VPS9D1: variants seen among roughly 807,000 people sequenced by gnomAD.
VPS9D1 encodes the protein VPS9 domain containing 1, also known as VPS9 domain-containing protein 1.
Under a neutral mutation model 75.8 loss-of-function variants are expected in VPS9D1, and 78 were observed. The ratio of observed to expected loss-of-function variants is 1.03; its 90% confidence interval spans 0.86 to 1.24. The LOEUF (loss-of-function observed/expected upper bound fraction) is 1.24, where lower values mean the gene tolerates loss of function less well. Among genes scored for constraint, VPS9D1 ranks in the 50% most tolerant of loss-of-function variants. The probability of loss-of-function intolerance (pLI) is 0.00; values close to 1 mark genes in which losing one functional copy is unlikely to be tolerated. For missense variants in VPS9D1, 1,057 were observed against 847.7 expected, an observed-to-expected ratio of 1.25 and a Z score of -3.07; for synonymous variants, 481 against 385.6, an observed-to-expected ratio of 1.25 and a Z score of -2.90.
At chr16:89,717,134 G>T (rs377697706) in intron 2 of VPS9D1, among the ~76,000 whole-genome samples, 1 of 50,192 alleles carries the variant, frequency 2.0e-5, no homozygotes, top group Non-Finnish European at 3.8e-5. Context: ...CACTGACCCC[G>T]GGCAAGCCGA....
intron 10 of VPS9D1, 62 bp downstream of exon 10, chr16:89,710,524 A>C: frequency 6.6e-7 from 1 of 1,513,046 alleles, no homozygotes; most frequent in Non-Finnish European, 8.9e-7. Flanking sequence ...AGAAGCTTGA[A>C]ACGGACCAAT....
chr16:89,710,576 C>T lies in VPS9D1; in HGVS notation c.1258+10G>A. ...CTGCGGCGGCTCTCCCAGGGAGGGCCTGGCCTCACCTACGGCATTGTGGAT... is the reference window on the plus strand; with the variant it reads ...CTGCGGCGGCTCTCCCAGGGAGGGCTTGGCCTCACCTACGGCATTGTGGAT... On this transcript the variant is annotated intron_variant, in intron 10 of 14. Coordinates refer to ENST00000389386, the MANE Select transcript of VPS9D1 (RefSeq NM_004913.3). 1 of 1,584,702 alleles carries T rather than the reference C, an allele frequency of 6.3e-7. No individual in the cohort carries two copies. The highest frequency in any genetic ancestry group is 1.1e-5 in the South Asian group (1 of 89,238).
At chr16:89,720,600 T>G in intron 1 of VPS9D1, 163 bp downstream of exon 1, 1 of 1,227,746 alleles carries the variant, frequency 8.1e-7, no homozygotes. Flanking sequence ...CACGCCCGGC[T>G]GCGCCCCGCC....
chr16:89,710,392 C>T (rs1028493245), intron 10 of VPS9D1, among the ~76,000 whole-genome samples, 194 bp downstream of exon 10: 5 of 152,156 alleles, frequency 3.3e-5, no homozygotes, highest in South Asian at 2.1e-4. Context: ...TTGAGAACAG[C>T]TTGACCAACA....
intron 1 of VPS9D1, 80 bp from the exon 2 acceptor site, chr16:89,719,182 G>C (rs997364311): frequency 7.7e-7 from 1 of 1,303,232 alleles, no homozygotes; most frequent in Admixed American, 1.7e-5. Flanking sequence ...TGCCCTTGTG[G>C]GATAAGCAAG....
In VPS9D1 at chr16:89,712,729, C is replaced by CCCCAGG; in HGVS notation, c.432-14_432-13insCCTGGG. 6.4e-7 allele frequency: 1 copy of CCCCAGG among 1,571,202 alleles called. No homozygotes were observed. The highest frequency in any genetic ancestry group is 8.6e-7 in the Non-Finnish European group (1 of 1,160,058). On this transcript the variant is annotated splice_polypyrimidine_tract_variant and intron_variant, in intron 4 of 14. Transcript: ENST00000389386. ...TGGCGTCAGCTCTCTGGAAATGTGA[C>CCCCAGG]AAGCTGCTGTCTAGACCCCAGGAAG... is the stretch of plus-strand genomic sequence containing the variant.
At chr16:89,719,186 A>G in intron 1 of VPS9D1, 84 bp from the exon 2 acceptor site, 1 of 1,304,206 alleles carries the variant, frequency 7.7e-7, no homozygotes, top group Non-Finnish European at 1.1e-6. Context: ...CTTGTGGGAT[A>G]AGCAAGGAAC....
chr16:89,712,513 G>C lies in VPS9D1; in HGVS notation c.553C>G (p.Leu185Val). The change falls in exon 6 of 15, where the codon CTA becomes GTA. Residue 185 changes from leucine (L) to valine (V), a missense_variant. By Grantham distance (32) the Leu-to-Val change is conservative. Coordinates refer to ENST00000389386, the MANE Select transcript of VPS9D1 (RefSeq NM_004913.3). ...AMQKTSLTLS[L>V]QRQMMENLVI... Reference sequence around the variant, plus strand: ...AGGTTCTCCATCATCTGCCGCTGTAGAGAGAGGGTCTGGGGGGGGAGGAGG... The same window carrying C: ...AGGTTCTCCATCATCTGCCGCTGTACAGAGAGGGTCTGGGGGGGGAGGAGG... The C allele has an allele frequency of 6.2e-7, 1 of 1,612,748 alleles. No homozygotes were observed. The highest frequency in any genetic ancestry group is 8.5e-7 in the Non-Finnish European group (1 of 1,179,938).
chr16:89,717,073 C>T (rs1190689877), intron 2 of VPS9D1, among the ~76,000 whole-genome samples: 1 of 111,766 alleles, frequency 8.9e-6, no homozygotes, highest in Non-Finnish European at 1.9e-5. Context: ...GGCAAGCCCA[C>T]TGCCCCCCCA....
At chr16:89,709,732 G>A (rs769531079) in intron 11 of VPS9D1, 45 bp downstream of exon 11, 6 of 1,612,142 alleles carry the variant, frequency 3.7e-6, no homozygotes, top group South Asian at 1.1e-5. Flanking sequence ...GGACTGGGCT[G>A]GAAGACACTA....
chr16:89,720,585 C>T, intron 1 of VPS9D1, 178 bp downstream of exon 1: 1 of 1,220,282 alleles, frequency 8.2e-7, no homozygotes, highest in South Asian at 3.3e-5. Flanking sequence ...TGTCCAAGGT[C>T]ACTGCACGCC....
chr16:89,719,314 G>A (rs2061176798), intron 1 of VPS9D1: 2 of 633,890 alleles, frequency 3.2e-6, no homozygotes, highest in South Asian at 3.0e-5. Context: ...CTCCAGACTT[G>A]GAAAAGACAT....
At chr16:89,717,047 CAACT>C (rs1320033065) in intron 2 of VPS9D1, 3 of 329,242 alleles carry the variant, frequency 9.1e-6, no homozygotes, top group Non-Finnish European at 1.6e-5. Context: ...TCCCGTCCCC[CAACT>C]GACTGACCCT....
chr16:89,716,599 C>T lies in VPS9D1; in HGVS notation c.294G>A (p.Met98Ile), dbSNP rs557443055. ...KLGKTRLKPTMPAAAPIPQPA... is the reference protein window; with the variant it reads ...KLGKTRLKPTIPAAAPIPQPA... ...GCTGGGGAATGGGAGCAGCTGCAGG[C>T]ATGGTTGGCTTCAGGCGTGTTTTCC... The change falls in exon 4 of 15, where the codon ATG becomes ATA. Residue 98 changes from methionine (M) to isoleucine (I), a missense_variant. Physicochemically the swap from Met to Ile is conservative, Grantham distance 10. Transcript: ENST00000389386. 17 of 1,613,706 alleles carry T rather than the reference C, an allele frequency of 1.1e-5. No homozygotes were observed. The African/African-American group carries it at 1.3e-4, about 13-fold the overall frequency.
chr16:89,712,035 C>A lies in VPS9D1; in HGVS notation c.659+12G>T. On this transcript the variant is annotated intron_variant, in intron 7 of 14. Coordinates refer to ENST00000389386, the MANE Select transcript of VPS9D1 (RefSeq NM_004913.3). ...TCCCCGCAGCGGCCCCAGGGGCGGG[C>A]AGGAGTCCCACCTGTTGGCGGCCTC... The A allele has an allele frequency of 6.5e-7, 1 of 1,549,042 alleles. No individual in the cohort carries two copies. Among genetic ancestry groups the A allele is most frequent in the Non-Finnish European group, 8.7e-7 (1 of 1,146,594 alleles).
intron 14 of VPS9D1, 100 bp downstream of exon 14, chr16:89,708,327 G>C: frequency 8.4e-7 from 1 of 1,194,336 alleles, no homozygotes; most frequent in Non-Finnish European, 1.2e-6. Flanking sequence ...GGAGCCACAC[G>C]CTACCCTCCC....
intron 4 of VPS9D1, among the ~76,000 whole-genome samples, chr16:89,713,614 T>A (rs1490716591): frequency 1.3e-5 from 2 of 152,174 alleles, no homozygotes; most frequent in Non-Finnish European, 2.9e-5. Flanking sequence ...CCGTTATATG[T>A]GTTTGGCAAC....
chr16:89,716,612 A>C lies in VPS9D1; in HGVS notation c.281T>G (p.Leu94Arg), dbSNP rs1199268793. 6.2e-7 allele frequency: 1 copy of C among 1,613,144 alleles called. No individual in the cohort carries two copies. The highest frequency in any genetic ancestry group is 8.5e-7 in the Non-Finnish European group (1 of 1,179,460). ...STAAKLGKTR[L>R]KPTMPAAAPI... ...AGCAGCTGCAGGCATGGTTGGCTTC[A>C]GGCGTGTTTTCCCTGCAAGCCATGG... The change falls in exon 4 of 15, where the codon CTG becomes CGG. Residue 94 changes from leucine to arginine, a missense_variant. Leu to Arg is a moderately radical substitution (Grantham distance 102). Transcript: ENST00000389386.
intron 2 of VPS9D1, 112 bp from the exon 3 acceptor site, chr16:89,716,934 C>T (rs1399146804): frequency 5.1e-6 from 5 of 978,102 alleles, no homozygotes; most frequent in Non-Finnish European, 7.2e-6. Flanking sequence ...CCCTCAGCAC[C>T]CCCACTGACC....
Sources: allele counts gnomAD v4.1 joint callset (sites outside exome capture counted in the v4.1 genomes callset), GRCh38; gene constraint gnomAD v4.1.1; transcripts MANE v1.5; gene names NCBI Gene and HGNC (gene_info 2026-07-23, HGNC 2026-07-21).